Variants in USH2A observed in about 807,000 individuals in gnomAD.
The protein encoded by USH2A is usherin.
Under a neutral mutation model 538.9 loss-of-function variants are expected in USH2A, and 443 were observed. That is an observed-to-expected ratio of 0.82 (90% CI 0.76 to 0.89). USH2A has a LOEUF of 0.89. Among genes scored for constraint, USH2A ranks in the 40% least tolerant of loss-of-function variants. The pLI is 0.00. For missense variants in USH2A, 6,633 were observed against 6,324.8 expected (o/e 1.05, Z -1.65); for synonymous variants, 2,413 against 2,273.5 (o/e 1.06, Z -1.75).
chr1:216,242,652 G>A (rs1359251477), intron 13 of USH2A, among the ~76,000 whole-genome samples: 2 of 152,048 alleles, frequency 1.3e-5, no homozygotes, highest in African/African-American at 2.4e-5. Context: ...TGTTTCCATT[G>A]CAATAAAATA....
At chr1:215,721,652 A>T (rs1659662967) in intron 61 of USH2A, among the ~76,000 whole-genome samples, 1 of 152,176 alleles carries the variant, frequency 6.6e-6, no homozygotes, top group Non-Finnish European at 1.5e-5. Flanking sequence ...TATGACTTTC[A>T]GACAAATACA....
intron 4 of USH2A, among the ~76,000 whole-genome samples, chr1:216,328,004 T>C (rs777792336): frequency 1.3e-5 from 2 of 152,152 alleles, no homozygotes; most frequent in Admixed American, 6.6e-5. Flanking sequence ...AATTTGATTG[T>C]CATCTGCTTC....
chr1:216,128,413 G>C (rs2033301601), intron 21 of USH2A, among the ~76,000 whole-genome samples: 1 of 151,824 alleles, frequency 6.6e-6, no homozygotes, highest in South Asian at 2.1e-4. Flanking sequence ...AAGACAACTG[G>C]TTACCAAAAA....
At chr1:216,338,210 G>T (rs2038011045) in intron 4 of USH2A, among the ~76,000 whole-genome samples, 1 of 151,434 alleles carries the variant, frequency 6.6e-6, no homozygotes, top group Non-Finnish European at 1.5e-5. Flanking sequence ...AGGCTGGTAA[G>T]AAGGAATCCA....
At chr1:216,422,578 C>T (rs572303515) in intron 1 of USH2A, 38 bp from the exon 2 acceptor site, 96 of 508,048 alleles carry the variant, frequency 1.9e-4, no homozygotes, top group African/African-American at 1.8e-3. Flanking sequence ...GGGAAAGCTG[C>T]TGCACCTTTA....
At chr1:216,255,736 T>C (rs914796406) in intron 11 of USH2A, among the ~76,000 whole-genome samples, 2 of 152,136 alleles carry the variant, frequency 1.3e-5, no homozygotes, top group African/African-American at 2.4e-5. Context: ...TAACTGGCCA[T>C]TGGGTCAAGT....
At chr1:215,782,221 C>A in intron 53 of USH2A, 25 bp from the exon 54 acceptor site, 1 of 1,611,514 alleles carries the variant, frequency 6.2e-7, no homozygotes, top group South Asian at 1.1e-5. Flanking sequence ...AAAATGACTG[C>A]ATTTGAATGT....
intron 27 of USH2A, among the ~76,000 whole-genome samples, chr1:216,076,894 G>T (rs1347024878): frequency 1.3e-5 from 2 of 152,142 alleles, no homozygotes; most frequent in African/African-American, 4.8e-5. Context: ...AGGGTGCTTG[G>T]TCCTATGCTG....
chr1:216,231,921 GAGTTAAATTATTAA>G lies in USH2A; in HGVS notation c.2993+18_2993+31del, dbSNP rs758365996. ...AAAAAGTTAACTGTTGCTAAAGAAA[GAGTTAAATTATTAA>G]AGCTTATAAAGATGTACCTTCCAGT... On this transcript the variant is annotated intron_variant, in intron 14 of 71. Transcript: ENST00000307340. 2.5e-6 allele frequency: 4 copies of G among 1,612,854 alleles called. No individual in the cohort carries two copies. Among genetic ancestry groups the G allele is most frequent in the Middle Eastern group, 1.7e-4 (1 of 6,048 alleles).
intron 3 of USH2A, among the ~76,000 whole-genome samples, chr1:216,415,759 C>T (rs928959391): frequency 6.6e-6 from 1 of 151,950 alleles, no homozygotes; most frequent in South Asian, 2.1e-4. Flanking sequence ...ACTCCTGGTT[C>T]GAGCTATCCG....
intron 55 of USH2A, among the ~76,000 whole-genome samples, chr1:215,774,081 T>G (rs4388678): frequency 0.35 from 53,784 of 151,886 alleles, 12,558 homozygotes; most frequent in African/African-American, 0.66. Flanking sequence ...GAGCAGCATT[T>G]GTACTGTCCA....
intron 30 of USH2A, among the ~76,000 whole-genome samples, chr1:216,063,727 G>A (rs190648574): frequency 6.6e-6 from 1 of 152,248 alleles, no homozygotes; most frequent in African/African-American, 2.4e-5. Flanking sequence ...AAACTGCAGA[G>A]ATATATAGAA....
intron 20 of USH2A, among the ~76,000 whole-genome samples, chr1:216,180,174 T>A (rs2034465789): frequency 6.6e-6 from 1 of 152,100 alleles, no homozygotes; most frequent in Admixed American, 6.6e-5. Flanking sequence ...TCATCTATAT[T>A]CAAAATCTAT....
chr1:215,836,036 C>G (rs1418185185), intron 47 of USH2A, among the ~76,000 whole-genome samples: 1 of 151,946 alleles, frequency 6.6e-6, no homozygotes, highest in Non-Finnish European at 1.5e-5. Flanking sequence ...GAAAAAAAAC[C>G]TAGAGACACA....
At chr1:216,329,935 G>T (rs528989448) in intron 4 of USH2A, among the ~76,000 whole-genome samples, 7 of 152,030 alleles carry the variant, frequency 4.6e-5, no homozygotes, top group African/African-American at 1.7e-4. Flanking sequence ...TATCCAATTT[G>T]CTTTCTCAGG....
At chr1:216,205,413 A>G (rs919590782) in intron 16 of USH2A, among the ~76,000 whole-genome samples, 1 of 152,204 alleles carries the variant, frequency 6.6e-6, no homozygotes, top group African/African-American at 2.4e-5. Flanking sequence ...TGAAGTTCAG[A>G]GTTTCCATTA....
intron 49 of USH2A, among the ~76,000 whole-genome samples, chr1:215,799,690 A>G (rs1275407640): frequency 1.3e-5 from 2 of 152,174 alleles, no homozygotes; most frequent in Non-Finnish European, 2.9e-5. Context: ...ATTTGGGATA[A>G]GAATAAGATA....
chr1:216,267,686 C>T (rs752115432), intron 11 of USH2A, among the ~76,000 whole-genome samples: 29 of 152,096 alleles, frequency 1.9e-4, no homozygotes, highest in Admixed American at 1.9e-3. Context: ...TTTCTCTCCT[C>T]AGCCATTTTA....
At chr1:216,138,484 T>C (rs1219134992) in intron 21 of USH2A, among the ~76,000 whole-genome samples, 1 of 152,178 alleles carries the variant, frequency 6.6e-6, no homozygotes, top group African/African-American at 2.4e-5. Flanking sequence ...ATTAATTTTA[T>C]CATGCACTTC....
Sources: allele counts gnomAD v4.1 joint callset (sites outside exome capture counted in the v4.1 genomes callset), GRCh38; gene constraint gnomAD v4.1.1; transcripts MANE v1.5; gene names NCBI Gene and HGNC (gene_info 2026-07-23, HGNC 2026-07-21).